The following PARD3B variants were observed in gnomAD, a reference collection of about 807,000 sequenced individuals.
PARD3B encodes partitioning defective 3 homolog B.
A neutral mutation model predicts 130.2 loss-of-function variants in PARD3B; 103 were observed. The observed-to-expected ratio is 0.79, with a 90% CI of 0.67 to 0.93. The LOEUF (loss-of-function observed/expected upper bound fraction) is 0.93. Ranked by LOEUF, PARD3B falls within the 40% of genes least tolerant of loss-of-function variation. PARD3B has a pLI of 0.00. For missense variants in PARD3B, 1,609 were observed against 1,499.2 expected, an observed-to-expected ratio of 1.07 and a Z score of -1.21; for synonymous variants, 583 against 553.2, an observed-to-expected ratio of 1.05 and a Z score of -0.76.
intron 4 of PARD3B, among the ~76,000 whole-genome samples, chr2:205,066,752 T>A (rs1425767516): frequency 6.6e-6 from 1 of 152,202 alleles, no homozygotes; most frequent in Non-Finnish European, 1.5e-5. Context: ...TTTTTTTCAT[T>A]TTGACGGTTT....
chr2:205,605,529 C>T (rs543589617), intron 22 of PARD3B, among the ~76,000 whole-genome samples: 1 of 152,180 alleles, frequency 6.6e-6, no homozygotes, highest in African/African-American at 2.4e-5. Flanking sequence ...CTGTAGGGGT[C>T]CTCTCCAGAC....
intron 10 of PARD3B, among the ~76,000 whole-genome samples, chr2:205,129,085 C>T (rs969070147): frequency 6.6e-6 from 1 of 152,156 alleles, no homozygotes. Context: ...AGGGTATATG[C>T]TTAGTATTCA....
intron 2 of PARD3B, among the ~76,000 whole-genome samples, chr2:204,760,274 T>C (rs754836897): frequency 6.6e-6 from 1 of 152,122 alleles, no homozygotes; most frequent in Non-Finnish European, 1.5e-5. Context: ...AGAGTTGATA[T>C]ACATGAAATT....
At chr2:204,825,582 A>AT (rs1373282358) in intron 2 of PARD3B, among the ~76,000 whole-genome samples, 1 of 152,234 alleles carries the variant, frequency 6.6e-6, no homozygotes, top group Admixed American at 6.5e-5. Flanking sequence ...CATAGCAGCA[A>AT]TATTTTCAGT....
chr2:205,090,990 T>C (rs1283929574), intron 4 of PARD3B, among the ~76,000 whole-genome samples: 1 of 152,234 alleles, frequency 6.6e-6, no homozygotes, highest in Non-Finnish European at 1.5e-5. Flanking sequence ...TGAGTCTGAA[T>C]GGGATTCAAG....
At chr2:204,808,355 A>G (rs1200921113) in intron 2 of PARD3B, among the ~76,000 whole-genome samples, 1 of 151,934 alleles carries the variant, frequency 6.6e-6, no homozygotes, top group Middle Eastern at 3.2e-3. Context: ...CTTTTCTTTT[A>G]GATTCAGGAG....
At chr2:204,665,748 T>C (rs944535662) in intron 1 of PARD3B, among the ~76,000 whole-genome samples, 8 of 152,194 alleles carry the variant, frequency 5.3e-5, no homozygotes, top group Admixed American at 3.3e-4. Flanking sequence ...ACAAGAAAGC[T>C]GTGGTTGCAA....
chr2:204,628,545 GT>G (rs1559194089), intron 1 of PARD3B, among the ~76,000 whole-genome samples: 2 of 152,054 alleles, frequency 1.3e-5, no homozygotes, highest in Admixed American at 6.6e-5. Flanking sequence ...GCATTGTTAA[GT>G]GATCAGTTAG....
chr2:204,884,881 A>G (rs192192217), intron 2 of PARD3B, among the ~76,000 whole-genome samples: 1 of 152,148 alleles, frequency 6.6e-6, no homozygotes, highest in South Asian at 2.1e-4. Context: ...CAGTCTATTG[A>G]TGAGCATTTG....
chr2:204,611,193 G>T (rs1301799873), intron 1 of PARD3B, among the ~76,000 whole-genome samples: 2 of 152,164 alleles, frequency 1.3e-5, no homozygotes, highest in African/African-American at 4.8e-5. Context: ...AGGGAAATTG[G>T]TTGGGAGACT....
At chr2:205,136,405 T>C (rs1032805391) in intron 10 of PARD3B, among the ~76,000 whole-genome samples, 9 of 152,200 alleles carry the variant, frequency 5.9e-5, no homozygotes, top group Admixed American at 5.9e-4. Context: ...TTAAATGCCA[T>C]TGAAGATGGC....
intron 2 of PARD3B, among the ~76,000 whole-genome samples, chr2:204,711,773 C>G (rs2038448166): frequency 6.6e-6 from 1 of 152,110 alleles, no homozygotes; most frequent in Non-Finnish European, 1.5e-5. Context: ...GTCTCGAACT[C>G]CTGACTTCAA....
intron 1 of PARD3B, among the ~76,000 whole-genome samples, chr2:204,600,916 T>C (rs2033483432): frequency 1.3e-5 from 2 of 152,002 alleles, no homozygotes; most frequent in South Asian, 4.1e-4. Flanking sequence ...TCCAACTGTT[T>C]AGTTTAAAAT....
At position 205,195,748 on chromosome 2, in the gene PARD3B, A is replaced by G. The variant is rs562093984; in HGVS notation, c.2140+2428A>G. Among the ~76,000 whole-genome samples, 313 of 152,300 alleles carry G rather than the reference A, an allele frequency of 2.1e-3. 1 individual carries two copies. The highest frequency in any genetic ancestry group is 7.1e-3 in the African/African-American group (296 of 41,582). On this transcript the variant is annotated intron_variant, in intron 15 of 22. Coordinates refer to ENST00000406610, the MANE Select transcript of PARD3B (RefSeq NM_001302769.2). Reference sequence around the variant, plus strand: ...TAACATTCTTTAAAACGTCTTAATAAGTAGCCTATTTAGGATGAATACACA... The same window carrying G: ...TAACATTCTTTAAAACGTCTTAATAGGTAGCCTATTTAGGATGAATACACA...
At position 205,069,546 on chromosome 2, in the gene PARD3B, C is replaced by T. The variant is rs778317533; in HGVS notation, c.504+21856C>T. Among the ~76,000 whole-genome samples, 143 of 152,070 alleles carry T rather than the reference C, an allele frequency of 9.4e-4. 2 individuals are homozygous for T. The highest frequency in any genetic ancestry group is 1.6e-3 in the Non-Finnish European group (110 of 67,982). ...ACAAATGTTACTTGTATTCTTTGCTCATTATTCATAAATTTTAGCATATAT... is the reference window on the plus strand; with the variant it reads ...ACAAATGTTACTTGTATTCTTTGCTTATTATTCATAAATTTTAGCATATAT... On this transcript the variant is annotated intron_variant, in intron 4 of 22. Coordinates refer to ENST00000406610, the MANE Select transcript of PARD3B (RefSeq NM_001302769.2).
Position 205,590,373 on chromosome 2 carries a change from G to A in PARD3B, c.3261-25083G>A, listed in dbSNP as rs886816513. Among the ~76,000 whole-genome samples the A allele has an allele frequency of 7.9e-5, 7 of 89,076 alleles. No homozygotes were observed. Among genetic ancestry groups the A allele is most frequent in the Non-Finnish European group, 1.6e-4 (7 of 42,868 alleles). 58.4% of individuals were successfully genotyped at this position (89,076 alleles called of 152,430 possible). On this transcript the variant is annotated intron_variant, in intron 22 of 22. Coordinates refer to ENST00000406610, the MANE Select transcript of PARD3B (RefSeq NM_001302769.2). The surrounding 1 kb of genome is among the most constrained non-coding windows in gnomAD (Gnocchi z 4.1). Reference sequence around the variant, plus strand: ...GCAAGATGGCTGCCCACAGCATCAGGCTTACTTCCCCCTCTTCTCAGCTAC... The same window carrying A: ...GCAAGATGGCTGCCCACAGCATCAGACTTACTTCCCCCTCTTCTCAGCTAC...
At chr2:204,573,373 G>A (rs958459262) in intron 1 of PARD3B, among the ~76,000 whole-genome samples, 5 of 152,176 alleles carry the variant, frequency 3.3e-5, no homozygotes, top group African/African-American at 4.8e-5. Flanking sequence ...GTATGTATGC[G>A]TGACCTCATC....
In PARD3B at chr2:204,979,466, G is replaced by C. The variant is rs565951284; in HGVS notation, c.394+14143G>C. Among the ~76,000 whole-genome samples, 52 of 152,216 alleles carry C rather than the reference G, an allele frequency of 3.4e-4. No individual in the cohort carries two copies. In the South Asian group the frequency reaches 0.011, roughly 31 times the overall value. ...TTGGCAGGAACAACTGAAGCTATTT[G>C]TTGTTAATCAACTGAATAAGAATAT... On this transcript the variant is annotated intron_variant, in intron 3 of 22. Coordinates refer to ENST00000406610, the MANE Select transcript of PARD3B (RefSeq NM_001302769.2).
At chr2:205,202,689 G>A (rs1476074414) in intron 15 of PARD3B, among the ~76,000 whole-genome samples, 3 of 152,160 alleles carry the variant, frequency 2.0e-5, no homozygotes, top group East Asian at 1.9e-4. Flanking sequence ...GAAAACATTC[G>A]GAGTAAGGAT....
Sources: allele counts gnomAD v4.1 joint callset (sites outside exome capture counted in the v4.1 genomes callset), GRCh38; gene constraint gnomAD v4.1.1; non-coding constraint Gnocchi (gnomAD v3.1); transcripts MANE v1.5; gene names NCBI Gene and HGNC (gene_info 2026-07-23, HGNC 2026-07-21).